COLEC12: variants seen among roughly 807,000 people sequenced by gnomAD.
COLEC12 encodes the protein collectin subfamily member 12.
A neutral mutation model predicts 71.1 loss-of-function variants in COLEC12; 33 were observed. The observed-to-expected ratio is 0.46, with a 90% CI of 0.35 to 0.62. COLEC12 has a LOEUF of 0.62. Ranked by LOEUF, COLEC12 falls within the 20% of genes least tolerant of loss-of-function variation. The pLI, the probability that COLEC12 is intolerant of heterozygous loss-of-function variation, is 0.00. For synonymous variants in COLEC12, 350 were observed against 353.0 expected (o/e 0.99, Z 0.10); for missense variants, 765 against 916.1 (o/e 0.84, Z 2.13).
intron 9 of COLEC12, among the ~76,000 whole-genome samples, chr18:321,386 A>G (rs149255779): frequency 1.1e-3 from 169 of 152,324 alleles, no homozygotes; most frequent in African/African-American, 3.8e-3. Context: ...TTAACTCACA[A>G]TATAAGATAC....
At position 500,637 on chromosome 18, in the gene COLEC12, G is replaced by A. The variant is rs1917807152; in HGVS notation, c.-123C>T. ...TAGCCGCGCCGCGCGCCGGCCGTCT[G>A]CGCCCCCGTCCTCCCTCGCCGCCGC... is the stretch of plus-strand genomic sequence containing the variant. On this transcript the variant is annotated 5_prime_UTR_variant, in exon 1 of 10. Transcript: ENST00000400256. The surrounding 1 kb of genome is among the most constrained non-coding windows in gnomAD (Gnocchi z 5.3). 2 of 787,730 alleles carry A rather than the reference G, an allele frequency of 2.5e-6. No homozygotes were observed. The highest frequency in any genetic ancestry group is 3.3e-6 in the Non-Finnish European group (2 of 608,128). 48.8% of individuals were successfully genotyped at this position (787,730 alleles called of 1,614,324 possible). A position where few individuals can be genotyped will look rare whatever the true frequency, so the allele number is the denominator to read the frequency against.
Position 331,725 on chromosome 18 carries a change from G to C in COLEC12, c.2006C>G (p.Thr669Arg). 1 of 1,614,046 alleles carries C rather than the reference G, an allele frequency of 6.2e-7. No homozygotes were observed. ...CCATTCATTTTCACGCTCTGAGTCT[G>C]TGAGGCCGATCCAGTGGCTCTCTCT... ...VGRESHWIGL[T>R]DSERENEWKW... The change falls in exon 8 of 10, where the codon ACA becomes AGA. Residue 669 changes from threonine (T) to arginine (R), a missense_variant. Physicochemically the swap from Thr to Arg is moderately conservative, Grantham distance 71. Transcript: ENST00000400256.
intron 2 of COLEC12, among the ~76,000 whole-genome samples, chr18:429,296 C>T (rs1186131782): frequency 6.6e-6 from 1 of 152,094 alleles, no homozygotes; most frequent in Admixed American, 6.5e-5. Flanking sequence ...GTTATCAGAA[C>T]AATGTGTACA....
chr18:390,239 G>A (rs776833636), intron 2 of COLEC12, among the ~76,000 whole-genome samples: 4 of 152,144 alleles, frequency 2.6e-5, no homozygotes, highest in Non-Finnish European at 5.9e-5. Flanking sequence ...GGAGGCCATC[G>A]TGCTGCCCAA....
chr18:491,744 A>C (rs1026781776), intron 1 of COLEC12, among the ~76,000 whole-genome samples: 1 of 152,212 alleles, frequency 6.6e-6, no homozygotes, highest in African/African-American at 2.4e-5. Context: ...GCTTCAGCAA[A>C]TTGGCACTGA....
intron 2 of COLEC12, among the ~76,000 whole-genome samples, chr18:449,155 CT>C (rs1006290589): frequency 1.1e-4 from 16 of 151,398 alleles, no homozygotes; most frequent in African/African-American, 3.9e-4. Flanking sequence ...GAATACATAC[CT>C]TTTTAAAACA....
chr18:337,782 G>A (rs1211161198), intron 5 of COLEC12, among the ~76,000 whole-genome samples: 2 of 152,040 alleles, frequency 1.3e-5, no homozygotes, highest in Admixed American at 1.3e-4. Context: ...CGTGTCTACA[G>A]CTGAACTTCT....
chr18:406,117 T>A (rs553171325), intron 2 of COLEC12, among the ~76,000 whole-genome samples: 1 of 152,096 alleles, frequency 6.6e-6, no homozygotes, highest in African/African-American at 2.4e-5. Context: ...AGTTTACAGA[T>A]GCCATGGCAA....
At chr18:336,047 C>T (rs1914111738) in intron 5 of COLEC12, among the ~76,000 whole-genome samples, 1 of 152,166 alleles carries the variant, frequency 6.6e-6, no homozygotes, top group African/African-American at 2.4e-5. Flanking sequence ...TTATTAAAGG[C>T]TTATATGACA....
At chr18:355,204 C>G (rs963045892) in intron 3 of COLEC12, among the ~76,000 whole-genome samples, 3 of 152,120 alleles carry the variant, frequency 2.0e-5, no homozygotes, top group African/African-American at 7.2e-5. Flanking sequence ...CATGGAAACT[C>G]GTAGTTTGGG....
intron 2 of COLEC12, among the ~76,000 whole-genome samples, chr18:436,100 C>T (rs1916397848): frequency 6.6e-6 from 1 of 152,238 alleles, no homozygotes; most frequent in Admixed American, 6.5e-5. Flanking sequence ...CTCTTTGCTT[C>T]TTGCTTCTTG....
intron 2 of COLEC12, among the ~76,000 whole-genome samples, chr18:387,309 A>G (rs1660853301): frequency 1.3e-5 from 2 of 152,196 alleles, no homozygotes; most frequent in Admixed American, 6.5e-5. Flanking sequence ...TGAGGAATTT[A>G]CCATATGGCA....
Position 399,162 on chromosome 18 carries a change from AC to A in COLEC12, c.59-41641del. Among the ~76,000 whole-genome samples, 1 of 152,266 alleles carries A rather than the reference AC, an allele frequency of 6.6e-6. No individual in the cohort carries two copies. The highest frequency in any genetic ancestry group is 6.5e-5 in the Admixed American group (1 of 15,296). Reference sequence around the variant, plus strand: ...AAGGAACCAAAAACAACACAAAAAAACCCCAATCTGAAACACTATCCAAAAA... The same window carrying A: ...AAGGAACCAAAAACAACACAAAAAAACCCAATCTGAAACACTATCCAAAAA... On this transcript the variant is annotated intron_variant, in intron 2 of 9. Coordinates refer to ENST00000400256, the MANE Select transcript of COLEC12 (RefSeq NM_130386.3). This position sits in a 1 kb window ranked among gnomAD's most constrained non-coding sequence, Gnocchi z 4.0.
intron 2 of COLEC12, among the ~76,000 whole-genome samples, chr18:460,428 C>G (rs879904852): frequency 2.4e-4 from 37 of 152,164 alleles, no homozygotes; most frequent in Non-Finnish European, 4.4e-4. Flanking sequence ...ATTTATCTGT[C>G]TTAAGGTCTT....
chr18:367,931 C>CAAAAA (rs761980686), intron 2 of COLEC12, among the ~76,000 whole-genome samples: 20 of 151,852 alleles, frequency 1.3e-4, no homozygotes, highest in Non-Finnish European at 2.8e-4. Flanking sequence ...TCTACCAAAA[C>CAAAAA]AAAACAAAAC....
At chr18:452,977 C>T (rs1182863948) in intron 2 of COLEC12, among the ~76,000 whole-genome samples, 1 of 152,202 alleles carries the variant, frequency 6.6e-6, no homozygotes, top group Non-Finnish European at 1.5e-5. Context: ...AAGAATGTAA[C>T]CAAAAGACAT....
chr18:347,082 A>G lies in COLEC12; in HGVS notation c.540T>C (p.Asn180=). Residue 180 remains asparagine (N), a synonymous_variant, in exon 5 of 10, where the codon AAT becomes AAC. Coordinates refer to ENST00000400256, the MANE Select transcript of COLEC12 (RefSeq NM_130386.3). The part of the protein sequence containing the change: ...TLQAYNGYVT[N]LQQDTSVLQG... The stretch of plus-strand genomic sequence containing the variant: ...GGAGCACGCTGGTATCTTGCTGCAG[A>G]TTCGTGACATAGCCATTATACGCCT... The G allele has an allele frequency of 6.2e-7, 1 of 1,614,170 alleles. No homozygotes were observed. Among genetic ancestry groups the G allele is most frequent in the African/African-American group, 1.3e-5 (1 of 75,040 alleles).
rs1913881903 is a variant in COLEC12 at position 327,899 on chromosome 18, G to A, written c.2063+3769C>T. On this transcript the variant is annotated intron_variant, in intron 8 of 9. Coordinates refer to ENST00000400256, the MANE Select transcript of COLEC12 (RefSeq NM_130386.3). This position sits in a 1 kb window ranked among gnomAD's most constrained non-coding sequence, Gnocchi z 4.0. ...TTCTTTGAATGTTTGGTAGAATTTG[G>A]CTGTGAAGCCATCTGGTCCTGGGCT... Among the ~76,000 whole-genome samples the A allele has an allele frequency of 3.9e-5, 6 of 152,196 alleles. No homozygotes were observed. The highest frequency in any genetic ancestry group is 3.3e-4 in the Admixed American group (5 of 15,288).
intron 2 of COLEC12, among the ~76,000 whole-genome samples, chr18:395,272 G>A (rs1040076795): frequency 2.0e-5 from 3 of 152,218 alleles, no homozygotes; most frequent in Non-Finnish European, 4.4e-5. Context: ...TTTTGCAGTT[G>A]AGCTGGGAGG....
Sources: gnomAD v4.1 joint callset for allele counts (sites outside exome capture counted in the v4.1 genomes callset) on GRCh38, gnomAD v4.1.1 for gene constraint, Gnocchi (gnomAD v3.1) non-coding constraint, MANE v1.5 for transcripts, NCBI Gene and HGNC (gene_info 2026-07-23, HGNC 2026-07-21) for gene names.